The following EPN2 variants were observed in gnomAD, a reference collection of about 807,000 sequenced individuals.
The protein encoded by EPN2 is epsin 2.
In EPN2, 34 loss-of-function variants were observed where a neutral mutation model predicts 61.7. The observed-to-expected ratio is 0.55, with a 90% CI of 0.42 to 0.73. EPN2 has a LOEUF of 0.73. Ranked by LOEUF, EPN2 falls within the 30% of genes least tolerant of loss-of-function variation. The pLI is 0.00. For missense variants in EPN2, 714 were observed against 839.2 expected, an observed-to-expected ratio of 0.85 and a Z score of 1.84; for synonymous variants, 349 against 353.6, an observed-to-expected ratio of 0.99 and a Z score of 0.15.
chr17:19,295,914 A>C (rs1342562884), intron 4 of EPN2, among the ~76,000 whole-genome samples: 1 of 151,554 alleles, frequency 6.6e-6, no homozygotes, highest in Admixed American at 6.6e-5. Flanking sequence ...TCTCCCCTCA[A>C]CTCATGGCCC....
chr17:19,293,734 C>T (rs576639501), intron 4 of EPN2, among the ~76,000 whole-genome samples: 27 of 151,950 alleles, frequency 1.8e-4, no homozygotes, highest in African/African-American at 4.8e-4. Context: ...TTTAATTGGG[C>T]CCCAGATCTT....
chr17:19,307,917 T>C (rs1401297081), intron 4 of EPN2: 2 of 985,312 alleles, frequency 2.0e-6, no homozygotes, highest in Non-Finnish European at 2.4e-6. Context: ...TCAGGAATTA[T>C]TCCTAACCTT....
intron 7 of EPN2, among the ~76,000 whole-genome samples, chr17:19,326,975 A>G (rs1299150518): frequency 6.6e-6 from 1 of 152,110 alleles, no homozygotes. Flanking sequence ...GCACATCAAA[A>G]CCACAATCAA....
intron 1 of EPN2, among the ~76,000 whole-genome samples, chr17:19,269,411 T>A (rs1372610338): frequency 6.6e-6 from 1 of 152,198 alleles, no homozygotes; most frequent in Non-Finnish European, 1.5e-5. Flanking sequence ...CAACAGCTAT[T>A]TCAAAGGAAC....
chr17:19,255,102 T>C (rs1239115757), intron 1 of EPN2, among the ~76,000 whole-genome samples: 1 of 152,156 alleles, frequency 6.6e-6, no homozygotes, highest in Non-Finnish European at 1.5e-5. Flanking sequence ...GGAACTGTGC[T>C]TTGAGAGATG....
intron 4 of EPN2, chr17:19,307,998 A>G (rs770963883): frequency 1.3e-4 from 129 of 984,972 alleles, no homozygotes; most frequent in Non-Finnish European, 1.5e-4. Context: ...AGCAACACCT[A>G]GGTGAATGAA....
chr17:19,282,848 C>A, intron 2 of EPN2, 102 bp from the exon 3 acceptor site: 1 of 388,534 alleles, frequency 2.6e-6, no homozygotes, highest in Non-Finnish European at 4.6e-6. Flanking sequence ...TGGGTATGTC[C>A]ACTCAGCTCC....
intron 4 of EPN2, among the ~76,000 whole-genome samples, chr17:19,289,123 C>T (rs1375808534): frequency 2.6e-5 from 3 of 116,304 alleles, no homozygotes; most frequent in Non-Finnish European, 4.8e-5. Flanking sequence ...CTTGCACTGT[C>T]ACCCAGGCTG....
In EPN2 at chr17:19,308,637, A is replaced by G. The variant is rs550019019; in HGVS notation, c.767-1248A>G. The stretch of plus-strand genomic sequence containing the variant: ...TGGGTGCGCTGAGGGAACAGCCTGC[A>G]CGGAGACCCGGGAGGAGGACAGGGC... On this transcript the variant is annotated intron_variant, in intron 4 of 10. Coordinates refer to ENST00000314728, the MANE Select transcript of EPN2 (RefSeq NM_014964.5). The G allele has an allele frequency of 6.1e-6, 6 of 985,430 alleles. No individual in the cohort carries two copies. The African/African-American group carries it at 1.0e-4, about 17-fold the overall frequency. The allele number at this position is 985,430 out of a possible 1,614,324, so 61.0% of individuals were successfully genotyped here.
intron 1 of EPN2, among the ~76,000 whole-genome samples, chr17:19,251,941 C>T (rs2045020177): frequency 4.6e-5 from 7 of 151,774 alleles, no homozygotes; most frequent in Admixed American, 4.6e-4. Flanking sequence ...TACCTTACAC[C>T]CATAGCTTGA....
At chr17:19,288,463 G>A (rs1476175715) in intron 4 of EPN2, among the ~76,000 whole-genome samples, 1 of 152,192 alleles carries the variant, frequency 6.6e-6, no homozygotes, top group Non-Finnish European at 1.5e-5. Context: ...GGTAAGAGAG[G>A]GTGGCTTGCA....
chr17:19,322,440 G>A lies in EPN2; in HGVS notation c.1148-6271G>A, dbSNP rs574475062. 5.9e-5 allele frequency among the ~76,000 whole-genome samples: 9 copies of A among 152,222 alleles called. No individual in the cohort carries two copies. In the South Asian group the frequency reaches 1.9e-3, roughly 32 times the overall value. On this transcript the variant is annotated intron_variant, in intron 7 of 10. Coordinates refer to ENST00000314728, the MANE Select transcript of EPN2 (RefSeq NM_014964.5). ...CTGATCCCGGCCAAAAGTGAAAAAGGCCACCAAGATAGTGGCTGGTGGGCC... is the reference window on the plus strand; with the variant it reads ...CTGATCCCGGCCAAAAGTGAAAAAGACCACCAAGATAGTGGCTGGTGGGCC...
At chr17:19,239,232 C>A (rs2013949) in intron 1 of EPN2, among the ~76,000 whole-genome samples, 28,637 of 152,230 alleles carry the variant, frequency 0.19, 3,471 homozygotes, top group East Asian at 0.6. Context: ...ACCGAAACCT[C>A]CGCCTCCTGG....
chr17:19,312,867 C>T, intron 6 of EPN2: 1 of 491,288 alleles, frequency 2.0e-6, no homozygotes, highest in Non-Finnish European at 3.6e-6. Context: ...CTGTTGAGCC[C>T]TGAGGTCTCT....
At chr17:19,276,734 G>A (rs1001290008) in intron 1 of EPN2, among the ~76,000 whole-genome samples, 3 of 148,896 alleles carry the variant, frequency 2.0e-5, no homozygotes, top group Non-Finnish European at 2.9e-5. Context: ...TAGTTACTGA[G>A]GATCCTTTCA....
chr17:19,280,968 T>A lies in EPN2; in HGVS notation c.-293-987T>A, dbSNP rs951138625. On this transcript the variant is annotated intron_variant, in intron 1 of 10. Coordinates refer to ENST00000314728, the MANE Select transcript of EPN2 (RefSeq NM_014964.5). ...GAGTGGCTCACATAACTCAGCGAAA[T>A]TGACTTATATTTACCTATTTATTAT... is the stretch of plus-strand genomic sequence containing the variant. Among the ~76,000 whole-genome samples the A allele has an allele frequency of 4.6e-5, 7 of 152,250 alleles. No individual in the cohort carries two copies. In the South Asian group the frequency reaches 1.2e-3, roughly 27 times the overall value.
chr17:19,290,721 A>AAAAGG (rs1369401456), intron 4 of EPN2, among the ~76,000 whole-genome samples: 5 of 1,830 alleles, frequency 2.7e-3, no homozygotes, highest in African/African-American at 0.011. Context: ...AAAAAGAAAA[A>AAAAGG]AAAAGAAAAA....
chr17:19,308,308 A>G (rs1457609863), intron 4 of EPN2: 1 of 893,882 alleles, frequency 1.1e-6, no homozygotes, highest in African/African-American at 1.8e-5. Context: ...TCCTGGCCTC[A>G]GGTGATCCGC....
At chr17:19,278,578 G>A (rs1400235709) in intron 1 of EPN2, among the ~76,000 whole-genome samples, 1 of 152,168 alleles carries the variant, frequency 6.6e-6, no homozygotes, top group Non-Finnish European at 1.5e-5. Context: ...ACAACACGTG[G>A]GAATTCTGGG....
Sources: allele counts gnomAD v4.1 joint callset (sites outside exome capture counted in the v4.1 genomes callset), GRCh38; gene constraint gnomAD v4.1.1; transcripts MANE v1.5; gene names NCBI Gene and HGNC (gene_info 2026-07-23, HGNC 2026-07-21).